Variants in OPN5 observed in about 807,000 individuals in gnomAD.
The protein encoded by OPN5 is opsin 5, also known as opsin-5.
OPN5 carries 18 observed loss-of-function variants against 41.7 expected under a neutral mutation model. That is an observed-to-expected ratio of 0.43 (90% CI 0.30 to 0.64). OPN5 has a LOEUF of 0.64. Among genes scored for constraint, OPN5 ranks in the 30% least tolerant of loss-of-function variants. The pLI, the probability that OPN5 is intolerant of heterozygous loss-of-function variation, is 0.13. For missense variants in OPN5, 318 were observed against 434.5 expected (o/e 0.73, Z 2.38); for synonymous variants, 178 against 164.3 (o/e 1.08, Z -0.64).
chr6:47,817,145 A>G (rs1762452627), intron 6 of OPN5, among the ~76,000 whole-genome samples: 1 of 152,106 alleles, frequency 6.6e-6, no homozygotes, highest in Non-Finnish European at 1.5e-5. Flanking sequence ...ACCAAGGAGA[A>G]TAGAGATTTA....
chr6:47,808,988 A>G (rs1237006483), intron 5 of OPN5, among the ~76,000 whole-genome samples: 3 of 152,250 alleles, frequency 2.0e-5, no homozygotes, highest in African/African-American at 7.2e-5. Flanking sequence ...AGAAAGTAGC[A>G]GAGGAGAAAT....
At chr6:47,824,310 T>G (rs2114022348) in exon 7 of OPN5, 2 of 384,352 alleles carry the variant, frequency 5.2e-6, no homozygotes, top group Middle Eastern at 1.4e-3. Context: ...CTGGGGCTTG[T>G]GAAAGCTGGC....
chr6:47,817,956 C>T (rs1006493658), intron 6 of OPN5, among the ~76,000 whole-genome samples: 1 of 152,108 alleles, frequency 6.6e-6, no homozygotes, highest in South Asian at 2.1e-4. Flanking sequence ...CCATTCACCT[C>T]TTCAAGAAAC....
intron 2 of OPN5, among the ~76,000 whole-genome samples, chr6:47,788,945 C>T (rs573807462): frequency 6.6e-6 from 1 of 151,990 alleles, no homozygotes. Flanking sequence ...ATCCGTCCAG[C>T]GATTCTAAAG....
At chr6:47,784,303 C>CT (rs11439294) in intron 1 of OPN5, among the ~76,000 whole-genome samples, 119,478 of 148,238 alleles carry the variant, frequency 0.81, 48,208 homozygotes, top group East Asian at 0.92. Context: ...TGCAAGATTC[C>CT]TTTTTTTTTT....
exon 4 of OPN5, chr6:47,795,344 C>T (rs755793601): frequency 2.4e-5 from 38 of 1,614,034 alleles, no homozygotes; most frequent in South Asian, 4.4e-5. Flanking sequence ...CTGAGCCCTT[C>T]GGAACCTCGT....
At chr6:47,792,763 A>C (rs1429925592) in intron 3 of OPN5, among the ~76,000 whole-genome samples, 2 of 152,164 alleles carry the variant, frequency 1.3e-5, no homozygotes, top group Admixed American at 1.3e-4. Context: ...TTTGATTGTC[A>C]ATCTGTCAAT....
intron 6 of OPN5, among the ~76,000 whole-genome samples, chr6:47,821,043 G>T (rs1762606425): frequency 6.6e-6 from 1 of 152,172 alleles, no homozygotes; most frequent in African/African-American, 2.4e-5. Context: ...AGTGGAAGTG[G>T]ATCATCATAA....
chr6:47,784,490 G>A (rs1364146477), intron 1 of OPN5, among the ~76,000 whole-genome samples: 2 of 152,128 alleles, frequency 1.3e-5, no homozygotes, highest in African/African-American at 4.8e-5. Flanking sequence ...TAGAGACGGG[G>A]TTTCGCCATG....
At position 47,808,228 on chromosome 6, in the gene OPN5, TG is replaced by T; in HGVS notation, c.833del (p.Gly278GlufsTer44). On this transcript the variant is annotated frameshift_variant, in exon 5 of 7. Coordinates refer to ENST00000371211, the Ensembl canonical transcript of OPN5. LOFTEE classifies it high-confidence loss of function. The stretch of plus-strand genomic sequence containing the variant: ...CAGTGGTGTCTGTGTGGTCAGCTTT[TG>T]GAAGGCCAGACTCCATTCCCATACA... 6.2e-7 allele frequency: 1 copy of T among 1,614,054 alleles called. No individual in the cohort carries two copies. The highest frequency in any genetic ancestry group is 8.5e-7 in the Non-Finnish European group (1 of 1,179,978).
chr6:47,795,526 T>C (rs768922689), exon 4 of OPN5: 379 of 1,613,854 alleles, frequency 2.3e-4, no homozygotes, highest in Non-Finnish European at 3.2e-4. Flanking sequence ...GACAGTCGGA[T>C]CCATAGCAGC....
intron 6 of OPN5, among the ~76,000 whole-genome samples, chr6:47,821,957 T>C (rs572684258): frequency 6.6e-6 from 1 of 151,922 alleles, no homozygotes; most frequent in African/African-American, 2.4e-5. Context: ...ACTAAAAATA[T>C]AAAAATTAGC....
At chr6:47,800,768 G>T (rs532300005) in intron 4 of OPN5, among the ~76,000 whole-genome samples, 6 of 152,310 alleles carry the variant, frequency 3.9e-5, no homozygotes, top group African/African-American at 1.4e-4. Context: ...CAAGATGGGG[G>T]TGTTAGAACA....
chr6:47,820,154 A>C (rs1377584146), intron 6 of OPN5, among the ~76,000 whole-genome samples: 3 of 152,156 alleles, frequency 2.0e-5, no homozygotes, highest in Non-Finnish European at 4.4e-5. Context: ...AGAGAGAGAG[A>C]GAGAGAGAGA....
rs551104610 is a variant in OPN5, at chr6:47,801,205, C to T, written c.756+5642C>T. 6.6e-5 allele frequency among the ~76,000 whole-genome samples: 10 copies of T among 152,186 alleles called. No homozygotes were observed. In the South Asian group the frequency reaches 8.3e-4, roughly 13 times the overall value. On this transcript the variant is annotated intron_variant, in intron 4 of 6. Transcript: ENST00000371211. ...TGTGGGTCCTGTTTGCCACTGGACC[C>T]TACAGCGTGGCACCTGCTAGCTGTT...
At chr6:47,825,223 G>A (rs867322889), downstream of OPN5, 2 of 152,160 alleles carry the variant, frequency 1.3e-5, no homozygotes, top group South Asian at 2.1e-4. Flanking sequence ...ATAGGATTTT[G>A]TTAATGTGCC....
chr6:47,808,976 C>T (rs1350370122), intron 5 of OPN5, among the ~76,000 whole-genome samples: 4 of 152,154 alleles, frequency 2.6e-5, no homozygotes, highest in Non-Finnish European at 5.9e-5. Flanking sequence ...GTTTAAACAG[C>T]CAGAAAGTAG....
chr6:47,785,199 T>TTAAG (rs1157611992), intron 1 of OPN5, among the ~76,000 whole-genome samples: 1 of 152,214 alleles, frequency 6.6e-6, no homozygotes, highest in Non-Finnish European at 1.5e-5. Context: ...GTAGGTGGCA[T>TTAAG]TAAGTTTATA....
rs550902501 is a variant in OPN5 at position 47,784,307 on chromosome 6, T to A, written c.130+2111T>A. ...AGTGTAGATGTTGCAAGATTCCTTT[T>A]TTTTTTGGACATAGAGTCTCACTCT... On this transcript the variant is annotated intron_variant, in intron 1 of 6. Coordinates refer to ENST00000371211, the Ensembl canonical transcript of OPN5. 7.6e-3 allele frequency among the ~76,000 whole-genome samples: 1,153 copies of A among 150,724 alleles called. 18 individuals are homozygous for A. The highest frequency in any genetic ancestry group is 0.027 in the African/African-American group (1,092 of 40,990).
Sources: allele counts gnomAD v4.1 joint callset (sites outside exome capture counted in the v4.1 genomes callset), GRCh38; gene constraint gnomAD v4.1.1; transcripts MANE v1.5; gene names NCBI Gene and HGNC (gene_info 2026-07-23, HGNC 2026-07-21).